The following SMCHD1 variants were observed in gnomAD, a reference collection of about 807,000 sequenced individuals.
SMCHD1 encodes the protein structural maintenance of chromosomes flexible hinge domain containing 1.
SMCHD1 carries 78 observed loss-of-function variants against 254.7 expected under a neutral mutation model. The observed-to-expected ratio is 0.31, with a 90% CI of 0.26 to 0.37. The LOEUF is 0.37. Among genes scored for constraint, SMCHD1 ranks in the 10% least tolerant of loss-of-function variants. SMCHD1 has a pLI of 1.00. For synonymous variants in SMCHD1, 766 were observed against 794.9 expected, an observed-to-expected ratio of 0.96 and a Z score of 0.61; for missense variants, 1,840 against 2,408.1, an observed-to-expected ratio of 0.76 and a Z score of 4.94.
chr18:2,687,179 T>C (rs2074071205), intron 5 of SMCHD1, among the ~76,000 whole-genome samples: 1 of 152,216 alleles, frequency 6.6e-6, no homozygotes, highest in Non-Finnish European at 1.5e-5. Flanking sequence ...TTCAACAATA[T>C]GCACACACCA....
At chr18:2,772,749 G>GC (rs1265574015) in intron 41 of SMCHD1, among the ~76,000 whole-genome samples, 1 of 152,196 alleles carries the variant, frequency 6.6e-6, no homozygotes, top group Non-Finnish European at 1.5e-5. Context: ...TTCTGCCTCA[G>GC]CCCCCCAAGT....
At chr18:2,661,364 T>C (rs928491035) in intron 1 of SMCHD1, among the ~76,000 whole-genome samples, 4 of 152,172 alleles carry the variant, frequency 2.6e-5, no homozygotes, top group African/African-American at 9.7e-5. Context: ...TTTGTGTGTC[T>C]TAATTGAATA....
chr18:2,659,910 A>G (rs917521780), intron 1 of SMCHD1, among the ~76,000 whole-genome samples: 4 of 152,224 alleles, frequency 2.6e-5, no homozygotes, highest in African/African-American at 9.6e-5. Flanking sequence ...TGACTAATCC[A>G]TGGATGAAAA....
intron 44 of SMCHD1, among the ~76,000 whole-genome samples, chr18:2,781,831 T>C (rs1219951024): frequency 6.6e-6 from 1 of 151,946 alleles, no homozygotes; most frequent in Non-Finnish European, 1.5e-5. Context: ...GAAAATGGAA[T>C]GTAAGACAAA....
chr18:2,778,703 G>T (rs1294827269), intron 44 of SMCHD1, among the ~76,000 whole-genome samples: 1 of 152,128 alleles, frequency 6.6e-6, no homozygotes, highest in Non-Finnish European at 1.5e-5. Flanking sequence ...GTGAATGAAG[G>T]ATCTGTTCCA....
At chr18:2,770,885 G>A (rs750163564) in intron 39 of SMCHD1, among the ~76,000 whole-genome samples, 28 of 152,126 alleles carry the variant, frequency 1.8e-4, no homozygotes, top group Non-Finnish European at 2.6e-4. Flanking sequence ...CCCCCACAAA[G>A]TGCTAGGATT....
chr18:2,674,470 G>A (rs1016499679), intron 5 of SMCHD1, among the ~76,000 whole-genome samples: 3 of 152,034 alleles, frequency 2.0e-5, no homozygotes, highest in Non-Finnish European at 2.9e-5. Flanking sequence ...TTTAGAAATC[G>A]CTTCATACCA....
chr18:2,697,710 A>G, intron 9 of SMCHD1, 121 bp from the exon 10 acceptor site: 1 of 667,412 alleles, frequency 1.5e-6, no homozygotes, highest in Non-Finnish European at 2.5e-6. Flanking sequence ...TATTTCATTA[A>G]GCCAGATTGT....
In SMCHD1 at chr18:2,752,715, G is replaced by A. The variant is rs114813343; in HGVS notation, c.4346+163G>A. On this transcript the variant is annotated intron_variant, in intron 34 of 47. Transcript: ENST00000320876. Reference sequence around the variant, plus strand: ...GTTTTTTGGGAAAAGGTGTGTTTTCGTTTTTAAGCATTAAATTGGTTTTAA... The same window carrying A: ...GTTTTTTGGGAAAAGGTGTGTTTTCATTTTTAAGCATTAAATTGGTTTTAA... The A allele has an allele frequency of 0.02, 10,936 of 555,714 alleles. 161 individuals carry two copies. Among genetic ancestry groups the A allele is most frequent in the Middle Eastern group, 0.078 (155 of 1,992 alleles). 34.4% of individuals were successfully genotyped at this position (555,714 alleles called of 1,614,324 possible).
chr18:2,722,185 A>G (rs1380469783), intron 19 of SMCHD1, among the ~76,000 whole-genome samples: 3 of 152,168 alleles, frequency 2.0e-5, no homozygotes, highest in Non-Finnish European at 4.4e-5. Flanking sequence ...ATGGCTGGGC[A>G]TGGTGGCTCA....
At chr18:2,742,244 CT>C (rs2075365782) in intron 28 of SMCHD1, among the ~76,000 whole-genome samples, 1 of 152,144 alleles carries the variant, frequency 6.6e-6, no homozygotes, top group Non-Finnish European at 1.5e-5. Flanking sequence ...GCCAAGTGGA[CT>C]TTTTTTCTAC....
chr18:2,793,886 T>C (rs1157308289), intron 45 of SMCHD1, among the ~76,000 whole-genome samples: 2 of 151,200 alleles, frequency 1.3e-5, no homozygotes, highest in Non-Finnish European at 3.0e-5. Flanking sequence ...AGATTTCTTT[T>C]TAAAACACTA....
At chr18:2,799,717 T>C (rs188856360) in intron 47 of SMCHD1, among the ~76,000 whole-genome samples, 2 of 152,306 alleles carry the variant, frequency 1.3e-5, no homozygotes, top group East Asian at 3.9e-4. Flanking sequence ...ATTCCAATTG[T>C]TACTAAGACT....
Position 2,719,272 on chromosome 18 carries a change from C to T in SMCHD1, c.2458+838C>T, listed in dbSNP as rs1418911457. On this transcript the variant is annotated intron_variant, in intron 19 of 47. Transcript: ENST00000320876. ...TCTCTCCTCTCCTCTCCTCTCTCCT[C>T]TCTCCCCTCTCCCCTCTCCCCTCTT... Among the ~76,000 whole-genome samples, 7 of 149,798 alleles carry T rather than the reference C, an allele frequency of 4.7e-5. No individual in the cohort carries two copies. The Admixed American group carries it at 4.7e-4, about 10-fold the overall frequency.
In SMCHD1 at chr18:2,772,271, C is replaced by T; in HGVS notation, c.5074C>T (p.Leu1692=). The change falls in exon 41 of 48, where the codon CTG becomes TTG. Residue 1692 remains leucine (L), a synonymous_variant. Transcript: ENST00000320876. ...TQQVPHIEAL[L]KRKLSEQEEL... ...ATAGGTGCCACACATTGAAGCACTT[C>T]TGAAAAGAAAGCTATCAGAACAAGA... 1 of 1,600,414 alleles carries T rather than the reference C, an allele frequency of 6.2e-7. No individual in the cohort carries two copies.
At chr18:2,659,151 T>A (rs1204628659) in intron 1 of SMCHD1, among the ~76,000 whole-genome samples, 1 of 152,174 alleles carries the variant, frequency 6.6e-6, no homozygotes, top group African/African-American at 2.4e-5. Flanking sequence ...GGAGTCTCGC[T>A]CTGTTGCCCG....
chr18:2,693,693 G>A (rs754736743), intron 7 of SMCHD1, among the ~76,000 whole-genome samples: 3 of 152,058 alleles, frequency 2.0e-5, no homozygotes, highest in South Asian at 2.1e-4. Context: ...GTGCAGTGGC[G>A]CGATCTTGGC....
At chr18:2,798,123 A>G (rs756970804) in intron 47 of SMCHD1, among the ~76,000 whole-genome samples, 35 of 152,172 alleles carry the variant, frequency 2.3e-4, no homozygotes, top group Admixed American at 9.2e-4. Flanking sequence ...TGTTTGAGGA[A>G]CTGAAAAGAT....
intron 45 of SMCHD1, among the ~76,000 whole-genome samples, chr18:2,787,739 A>G (rs1409677628): frequency 1.3e-5 from 2 of 152,176 alleles, no homozygotes; most frequent in Non-Finnish European, 2.9e-5. Flanking sequence ...ACTCCCACAT[A>G]CAGACTAATG....
Sources: allele counts gnomAD v4.1 joint callset (sites outside exome capture counted in the v4.1 genomes callset), GRCh38; gene constraint gnomAD v4.1.1; transcripts MANE v1.5; gene names NCBI Gene and HGNC (gene_info 2026-07-23, HGNC 2026-07-21).